The following TUB variants were observed in gnomAD, a reference collection of about 807,000 sequenced individuals.
TUB encodes the protein tubby protein homolog.
TUB carries 33 observed loss-of-function variants against 59.7 expected under a neutral mutation model. The observed-to-expected ratio is 0.55, with a 90% confidence interval of 0.42 to 0.74. TUB has a LOEUF of 0.74. Ranked by LOEUF, TUB falls within the 30% of genes least tolerant of loss-of-function variation. TUB has a pLI of 0.00. For missense variants in TUB, 659 were observed against 672.0 expected (o/e 0.98, Z 0.21); for synonymous variants, 293 against 256.4 (o/e 1.14, Z -1.36).
At chr11:8,080,553 C>T (rs1460011532), upstream of TUB, among the ~76,000 whole-genome samples, 1 of 152,190 alleles carries the variant, frequency 6.6e-6, no homozygotes, top group Non-Finnish European at 1.5e-5. Context: ...GCTTTACGGC[C>T]TTGGGCATCT....
intron 1 of TUB, among the ~76,000 whole-genome samples, chr11:8,024,131 C>T (rs1326768306): frequency 6.6e-6 from 1 of 152,224 alleles, no homozygotes; most frequent in Non-Finnish European, 1.5e-5. Context: ...CCAGCCTTTT[C>T]CCGGCCTCTC....
intron 1 of TUB, among the ~76,000 whole-genome samples, chr11:8,082,445 G>A (rs1467423331): frequency 6.6e-6 from 1 of 152,198 alleles, no homozygotes; most frequent in Non-Finnish European, 1.5e-5. Context: ...TCTATTACCA[G>A]GGAAGGGAGC....
At chr11:8,092,023 G>A (rs1257637433) in intron 3 of TUB, among the ~76,000 whole-genome samples, 3 of 152,234 alleles carry the variant, frequency 2.0e-5, no homozygotes, top group African/African-American at 2.4e-5. Context: ...GGCCAACATC[G>A]TGAGAGGTCA....
At chr11:8,091,739 A>G (rs1378671921) in intron 3 of TUB, among the ~76,000 whole-genome samples, 2 of 152,164 alleles carry the variant, frequency 1.3e-5, no homozygotes, top group Non-Finnish European at 2.9e-5. Context: ...CAGCTGTCTC[A>G]CAGAGGCAGC....
At chr11:8,038,786 G>C (rs368811787) in exon 1 of TUB, 30 of 1,544,106 alleles carry the variant, frequency 1.9e-5, no homozygotes, top group Non-Finnish European at 2.1e-5. Flanking sequence ...GTACTGAGGC[G>C]AATACAGGGA....
At chr11:8,031,712 C>T (rs554809667) in intron 1 of TUB, among the ~76,000 whole-genome samples, 22 of 152,358 alleles carry the variant, frequency 1.4e-4, no homozygotes, top group African/African-American at 4.8e-4. Context: ...GCTGGCCATG[C>T]GCGATCTGCT....
intron 7 of TUB, 104 bp from the exon 8 acceptor site, chr11:8,097,610 C>T: frequency 1.5e-6 from 2 of 1,294,790 alleles, no homozygotes; most frequent in Non-Finnish European, 1.1e-6. Context: ...CACATATGTG[C>T]GTTTGGGAGC....
In TUB at chr11:8,102,001, G is replaced by A. The variant is rs1454349794; in HGVS notation, c.*382G>A. 8 of 224,804 alleles carry A rather than the reference G, an allele frequency of 3.6e-5. No homozygotes were observed. Among genetic ancestry groups the A allele is most frequent in the Non-Finnish European group, 5.3e-5 (6 of 113,904 alleles). The allele number at this position is 224,804 out of a possible 1,614,324, so 13.9% of individuals were successfully genotyped here. A position where few individuals can be genotyped will look rare whatever the true frequency, so the allele number is the denominator to read the frequency against. ...ACTGCAGGGCTGCTGTGGCCCAGTC[G>A]TCCGCTCAGCCAAGGAGTCAGATGG... On this transcript the variant is annotated 3_prime_UTR_variant, in exon 12 of 12. Transcript: ENST00000299506.
intron 2 of TUB, among the ~76,000 whole-genome samples, chr11:8,073,903 AAAGAGCAGAAC>A (rs1943401532): frequency 2.9e-5 from 4 of 139,776 alleles, no homozygotes; most frequent in Admixed American, 1.5e-4. Context: ...AAGAGCAGGT[AAAGAGCAGAAC>A]CGTAGTTCAG....
chr11:8,019,265 C>A, exon 1 of TUB: 3 of 1,247,562 alleles, frequency 2.4e-6, no homozygotes, highest in African/African-American at 3.1e-5. Flanking sequence ...CCAGCGCCGC[C>A]GCCGCCCGCG....
chr11:8,058,495 T>A (rs1473089532), intron 2 of TUB, among the ~76,000 whole-genome samples: 1 of 152,240 alleles, frequency 6.6e-6, no homozygotes, highest in Admixed American at 6.5e-5. Context: ...TTTATTGTTT[T>A]GTTGATTGTC....
intron 2 of TUB, among the ~76,000 whole-genome samples, chr11:8,071,375 G>A (rs764535882): frequency 2.0e-5 from 3 of 152,184 alleles, no homozygotes; most frequent in African/African-American, 2.4e-5. Flanking sequence ...CTCTAGTGAT[G>A]TTGGGTGCCT....
At chr11:8,092,746 GC>G (rs1943819271) in intron 3 of TUB, among the ~76,000 whole-genome samples, 1 of 152,202 alleles carries the variant, frequency 6.6e-6, no homozygotes, top group Non-Finnish European at 1.5e-5. Flanking sequence ...TGGGGAGGCT[GC>G]TGCACACACG....
intron 2 of TUB, among the ~76,000 whole-genome samples, chr11:8,043,261 G>A (rs1942781197): frequency 6.6e-6 from 1 of 152,080 alleles, no homozygotes; most frequent in Non-Finnish European, 1.5e-5. Flanking sequence ...TTATTTCTGG[G>A]CTCTCAATTC....
chr11:8,086,296 C>A (rs971753715), intron 1 of TUB, among the ~76,000 whole-genome samples: 1 of 152,150 alleles, frequency 6.6e-6, no homozygotes. Flanking sequence ...CAGAAACAGG[C>A]AGGCTGGGGA....
At chr11:8,093,107 G>A (rs558322466) in intron 3 of TUB, among the ~76,000 whole-genome samples, 13 of 152,208 alleles carry the variant, frequency 8.5e-5, no homozygotes, top group African/African-American at 3.1e-4. Flanking sequence ...AGATGGTCAC[G>A]GGGTTGCTTT....
chr11:8,095,623 C>T lies in TUB; in HGVS notation c.523C>T (p.Arg175Trp), dbSNP rs752675874. ...GGAGACGGCAGCTGGTGGGGGCGAACGGCCCAGCGGGCAGGATCTCCGTGC... is the reference window on the plus strand; with the variant it reads ...GGAGACGGCAGCTGGTGGGGGCGAATGGCCCAGCGGGCAGGATCTCCGTGC... ...AGETAAGGGERPSGQDLRATM... is the reference protein window; with the variant it reads ...AGETAAGGGEWPSGQDLRATM... Residue 175 changes from arginine (R) to tryptophan (W), a missense_variant, in exon 5 of 12, where the codon CGG becomes TGG. Transcript: ENST00000299506. 38 of 1,610,160 alleles carry T rather than the reference C, an allele frequency of 2.4e-5. No homozygotes were observed. Among genetic ancestry groups the T allele is most frequent in the Middle Eastern group, 1.6e-4 (1 of 6,074 alleles).
intron 9 of TUB, among the ~76,000 whole-genome samples, chr11:8,099,764 G>A (rs1038188761): frequency 6.6e-6 from 1 of 152,156 alleles, no homozygotes; most frequent in African/African-American, 2.4e-5. Flanking sequence ...GGCAGGGAGG[G>A]CGTCACTGAG....
intron 1 of TUB, among the ~76,000 whole-genome samples, chr11:8,083,771 A>G (rs1943615042): frequency 6.6e-6 from 1 of 152,038 alleles, no homozygotes; most frequent in South Asian, 2.1e-4. Flanking sequence ...GTTCTGTTGT[A>G]GAGAGGGGGG....
Sources: allele counts gnomAD v4.1 joint callset (sites outside exome capture counted in the v4.1 genomes callset), GRCh38; gene constraint gnomAD v4.1.1; transcripts MANE v1.5; gene names NCBI Gene and HGNC (gene_info 2026-07-23, HGNC 2026-07-21).